Variants in CFAP20DC observed in about 807,000 individuals in gnomAD.
The protein encoded by CFAP20DC is CFAP20 domain containing.
In CFAP20DC, 84 loss-of-function variants were observed where a neutral mutation model predicts 101.7. That is an observed-to-expected ratio of 0.83 (90% CI 0.69 to 0.99). The LOEUF is 0.99. Among genes scored for constraint, CFAP20DC ranks in the 50% least tolerant of loss-of-function variants. CFAP20DC has a pLI of 0.00. For missense variants in CFAP20DC, 1,007 were observed against 970.3 expected (o/e 1.04, Z -0.50); for synonymous variants, 359 against 351.2 (o/e 1.02, Z -0.25).
chr3:58,884,952 T>C (rs1048005366), intron 6 of CFAP20DC, among the ~76,000 whole-genome samples: 2 of 152,212 alleles, frequency 1.3e-5, no homozygotes, highest in Admixed American at 1.3e-4. Context: ...TTCAGAGAAC[T>C]ATACAATAAA....
intron 14 of CFAP20DC, among the ~76,000 whole-genome samples, chr3:58,813,888 G>C (rs1264071320): frequency 6.6e-6 from 1 of 151,886 alleles, no homozygotes; most frequent in Non-Finnish European, 1.5e-5. Context: ...AGACATATTT[G>C]ATCTCACTAG....
intron 14 of CFAP20DC, among the ~76,000 whole-genome samples, chr3:58,821,547 C>G (rs2075646128): frequency 6.6e-6 from 1 of 150,622 alleles, no homozygotes; most frequent in African/African-American, 2.4e-5. Flanking sequence ...TGAAAAAATG[C>G]TCATCATCAC....
At chr3:58,764,504 C>T (rs2070070286) in intron 15 of CFAP20DC, among the ~76,000 whole-genome samples, 1 of 152,172 alleles carries the variant, frequency 6.6e-6, no homozygotes, top group Admixed American at 6.5e-5. Context: ...GATGCCTCGC[C>T]CTGCTTCAGC....
downstream of CFAP20DC, among the ~76,000 whole-genome samples, chr3:58,741,403 A>AGT (rs1302627356): frequency 5.9e-5 from 9 of 151,514 alleles, no homozygotes; most frequent in South Asian, 1.0e-3. Flanking sequence ...AGTGGTGATG[A>AGT]GTGTGTGTGT....
At chr3:58,815,908 G>T (rs2075085924) in intron 14 of CFAP20DC, among the ~76,000 whole-genome samples, 1 of 151,496 alleles carries the variant, frequency 6.6e-6, no homozygotes, top group Admixed American at 6.6e-5. Flanking sequence ...TTACACTGTT[G>T]CTGGGACTGT....
Position 58,849,180 on chromosome 3 carries a change from G to C in CFAP20DC, c.1823C>G (p.Thr608Ser), listed in dbSNP as rs144641115. 0.011 allele frequency: 17,067 copies of C among 1,536,048 alleles called. 167 individuals carry two copies. The highest frequency in any genetic ancestry group is 0.012 in the Non-Finnish European group (13,660 of 1,146,886). Reference sequence around the variant, plus strand: ...CTGACAGGACCCACACCTTCTTCCAGTTGGAGAAAGGCATGTTGTAGGCAA... The same window carrying C: ...CTGACAGGACCCACACCTTCTTCCACTTGGAGAAAGGCATGTTGTAGGCAA... ...SLLPTTCLSP[T>S]GRRCGSCQKT... The change falls in exon 13 of 17, where the codon ACT becomes AGT. Residue 608 changes from threonine to serine, a missense_variant. Coordinates refer to ENST00000482387, the MANE Select transcript of CFAP20DC (RefSeq NM_001394063.1).
rs561709325 is a variant in CFAP20DC at position 59,016,137 on chromosome 3, A to T, written c.278+23420T>A. On this transcript the variant is annotated intron_variant, in intron 4 of 16. Transcript: ENST00000482387. Reference sequence around the variant, plus strand: ...TATGGAATCAACTTAAGTGTCCATCAATGAATGAATGAATAAAGAAAATGT... The same window carrying T: ...TATGGAATCAACTTAAGTGTCCATCTATGAATGAATGAATAAAGAAAATGT... Among the ~76,000 whole-genome samples the T allele has an allele frequency of 2.0e-5, 3 of 152,256 alleles. No homozygotes were observed. The South Asian group carries it at 6.2e-4, about 32-fold the overall frequency.
At chr3:58,801,153 C>T (rs543890299) in intron 15 of CFAP20DC, among the ~76,000 whole-genome samples, 2 of 152,074 alleles carry the variant, frequency 1.3e-5, no homozygotes, top group African/African-American at 2.4e-5. Flanking sequence ...AGCTTTCAGC[C>T]AGACCCGTGG....
Position 58,950,065 on chromosome 3 carries a change from C to T in CFAP20DC, c.279-12303G>A, listed in dbSNP as rs1352033678. Among the ~76,000 whole-genome samples, 7 of 152,182 alleles carry T rather than the reference C, an allele frequency of 4.6e-5. No individual in the cohort carries two copies. In the East Asian group the frequency reaches 1.3e-3, roughly 29 times the overall value. On this transcript the variant is annotated intron_variant, in intron 4 of 16. Coordinates refer to ENST00000482387, the MANE Select transcript of CFAP20DC (RefSeq NM_001394063.1). ...ATCTCCTTAAGCTGATAGGCAACTT[C>T]AGCAAAGTCTCAGGATACAAAATCA...
intron 4 of CFAP20DC, among the ~76,000 whole-genome samples, chr3:59,026,803 G>A (rs1050962713): frequency 2.0e-5 from 3 of 152,264 alleles, no homozygotes; most frequent in South Asian, 2.1e-4. Context: ...TTTTCTGACC[G>A]CTGTCTAGCT....
chr3:58,814,386 C>T (rs1260531873), intron 14 of CFAP20DC, among the ~76,000 whole-genome samples: 2 of 151,548 alleles, frequency 1.3e-5, no homozygotes, highest in Admixed American at 6.6e-5. Flanking sequence ...TATGACAAAC[C>T]CACAGCCAGT....
chr3:58,895,126 GC>G (rs1282925645), intron 6 of CFAP20DC, among the ~76,000 whole-genome samples: 1 of 152,216 alleles, frequency 6.6e-6, no homozygotes, highest in African/African-American at 2.4e-5. Flanking sequence ...TCTCTGATAT[GC>G]CCCAGAGACA....
At chr3:58,881,701 A>G (rs937422911) in intron 7 of CFAP20DC, among the ~76,000 whole-genome samples, 1 of 152,138 alleles carries the variant, frequency 6.6e-6, no homozygotes, top group Admixed American at 6.5e-5. Flanking sequence ...CATTCATAAT[A>G]AAATATCACA....
At chr3:58,838,676 A>G (rs1267737768) in intron 13 of CFAP20DC, among the ~76,000 whole-genome samples, 5 of 152,196 alleles carry the variant, frequency 3.3e-5, no homozygotes, top group African/African-American at 1.2e-4. Context: ...ATATACTTCC[A>G]TACATTTTGC....
chr3:58,997,419 A>T (rs2093169972), intron 4 of CFAP20DC, among the ~76,000 whole-genome samples: 2 of 152,190 alleles, frequency 1.3e-5, no homozygotes, highest in African/African-American at 2.4e-5. Context: ...TCCTCATGAC[A>T]ATTCAGTGAG....
chr3:59,034,149 C>G (rs537715493), intron 4 of CFAP20DC, among the ~76,000 whole-genome samples: 1 of 152,044 alleles, frequency 6.6e-6, no homozygotes, highest in African/African-American at 2.4e-5. Flanking sequence ...AAATGCTGAG[C>G]GATTTTGTCA....
intron 3 of CFAP20DC, among the ~76,000 whole-genome samples, chr3:59,045,401 T>C (rs1699771385): frequency 6.6e-6 from 1 of 152,142 alleles, no homozygotes; most frequent in African/African-American, 2.4e-5. Flanking sequence ...AAAAACTTTA[T>C]ATTTGCTAAA....
At chr3:58,860,175 C>CAAAAAA (rs10575757) in intron 12 of CFAP20DC, among the ~76,000 whole-genome samples, 4 of 78,178 alleles carry the variant, frequency 5.1e-5, no homozygotes, top group Non-Finnish European at 1.0e-4. Flanking sequence ...AACTCCATCT[C>CAAAAAA]AAAAAAAAAA....
chr3:58,971,893 A>AC lies in CFAP20DC; in HGVS notation c.279-34132_279-34131insG. 6.6e-6 allele frequency among the ~76,000 whole-genome samples: 1 copy of AC among 151,216 alleles called. No individual in the cohort carries two copies. The highest frequency in any genetic ancestry group is 1.5e-5 in the Non-Finnish European group (1 of 67,782). Reference sequence around the variant, plus strand: ...CACACACACACACACACACACACACAATTAAGCTCTAGAGGTACTCCCAAA... The same window carrying AC: ...CACACACACACACACACACACACACACATTAAGCTCTAGAGGTACTCCCAAA... On this transcript the variant is annotated intron_variant, in intron 4 of 16. Coordinates refer to ENST00000482387, the MANE Select transcript of CFAP20DC (RefSeq NM_001394063.1). The surrounding 1 kb of genome is among the most constrained non-coding windows in gnomAD (Gnocchi z 4.1).
Sources: gnomAD v4.1 joint callset for allele counts (sites outside exome capture counted in the v4.1 genomes callset) on GRCh38, gnomAD v4.1.1 for gene constraint, Gnocchi (gnomAD v3.1) non-coding constraint, MANE v1.5 for transcripts, NCBI Gene and HGNC (gene_info 2026-07-23, HGNC 2026-07-21) for gene names.